Variants in CLSTN2 observed in about 807,000 individuals in gnomAD.
CLSTN2 encodes calsyntenin 2.
In CLSTN2, 48 loss-of-function variants were observed where a neutral mutation model predicts 101.2. The observed-to-expected ratio is 0.47, with a 90% CI of 0.38 to 0.60. CLSTN2 has a LOEUF of 0.60. CLSTN2 is among the 20% of genes least tolerant of loss of function. CLSTN2 has a pLI of 0.00. For missense variants in CLSTN2, 1,160 were observed against 1,238.2 expected (o/e 0.94, Z 0.95); for synonymous variants, 481 against 463.6 (o/e 1.04, Z -0.48).
chr3:140,367,071 C>T (rs2087799648), intron 2 of CLSTN2, among the ~76,000 whole-genome samples: 1 of 152,154 alleles, frequency 6.6e-6, no homozygotes, highest in Non-Finnish European at 1.5e-5. Context: ...AGCCCTCCCA[C>T]GCTATGCTGG....
At chr3:140,081,728 T>A (rs2008602652) in intron 1 of CLSTN2, among the ~76,000 whole-genome samples, 1 of 152,102 alleles carries the variant, frequency 6.6e-6, no homozygotes, top group Non-Finnish European at 1.5e-5. Context: ...GCAAAGCCTC[T>A]GTCCAGAGCA....
chr3:140,510,538 G>A (rs1193912976), intron 8 of CLSTN2, among the ~76,000 whole-genome samples: 3 of 152,152 alleles, frequency 2.0e-5, no homozygotes, highest in South Asian at 2.1e-4. Flanking sequence ...GGATTGTTTT[G>A]GGGATTTGCC....
At chr3:140,345,459 A>T (rs2107938969) in intron 2 of CLSTN2, among the ~76,000 whole-genome samples, 1 of 152,156 alleles carries the variant, frequency 6.6e-6, no homozygotes, top group South Asian at 2.1e-4. Context: ...TATGTTGACC[A>T]GGCTGGTCTC....
Position 140,356,023 on chromosome 3 carries a change from C to T in CLSTN2, c.233-47606C>T, listed in dbSNP as rs1178226048. ...ACAGCTCAGGCATCACCACTTCCTT[C>T]CAGAAATCTTCCAGGGTCCTTCATG... is the stretch of plus-strand genomic sequence containing the variant. On this transcript the variant is annotated intron_variant, in intron 2 of 16. Coordinates refer to ENST00000458420, the MANE Select transcript of CLSTN2 (RefSeq NM_022131.3). Among the ~76,000 whole-genome samples the T allele has an allele frequency of 2.0e-5, 3 of 152,234 alleles. No individual in the cohort carries two copies. In the East Asian group the frequency reaches 5.8e-4, roughly 29 times the overall value.
At chr3:140,405,076 G>T (rs1275855866) in intron 4 of CLSTN2, among the ~76,000 whole-genome samples, 20 of 152,138 alleles carry the variant, frequency 1.3e-4, no homozygotes, top group Admixed American at 1.3e-3. Flanking sequence ...TTTTCCAGTT[G>T]TCATCCAGAT....
intron 2 of CLSTN2, among the ~76,000 whole-genome samples, chr3:140,285,626 A>G (rs1030565810): frequency 1.3e-5 from 2 of 152,154 alleles, no homozygotes; most frequent in African/African-American, 4.8e-5. Flanking sequence ...CAGATTGCCA[A>G]TTGCCCTCCC....
chr3:140,289,449 G>C (rs1242177788), intron 2 of CLSTN2, among the ~76,000 whole-genome samples: 1 of 151,994 alleles, frequency 6.6e-6, no homozygotes, highest in Non-Finnish European at 1.5e-5. Context: ...TTGGTACCTA[G>C]TTAATCTCCC....
At chr3:140,497,884 CCGGGAGGGG>C (rs1346856005) in intron 8 of CLSTN2, among the ~76,000 whole-genome samples, 1 of 152,108 alleles carries the variant, frequency 6.6e-6, no homozygotes, top group Non-Finnish European at 1.5e-5. Context: ...GCCTGTTTTT[CCGGGAGGGG>C]TCATACAATC....
intron 2 of CLSTN2, among the ~76,000 whole-genome samples, chr3:140,300,520 C>T (rs1174481314): frequency 6.6e-6 from 1 of 152,134 alleles, no homozygotes; most frequent in Non-Finnish European, 1.5e-5. Context: ...AAATATATTA[C>T]TAGATAGTTG....
chr3:140,348,066 G>C (rs931669222), intron 2 of CLSTN2, among the ~76,000 whole-genome samples: 5 of 152,340 alleles, frequency 3.3e-5, no homozygotes. Context: ...CACAGGTACT[G>C]AGTGTTAGCT....
chr3:140,160,979 AC>A (rs2010037083), intron 1 of CLSTN2, among the ~76,000 whole-genome samples: 1 of 152,146 alleles, frequency 6.6e-6, no homozygotes, highest in African/African-American at 2.4e-5. Context: ...TCAGATAATA[AC>A]AAGCAGTCAA....
chr3:140,485,620 G>A (rs12633853), intron 8 of CLSTN2, among the ~76,000 whole-genome samples: 12,077 of 152,122 alleles, frequency 0.079, 634 homozygotes, highest in Non-Finnish European at 0.11. Flanking sequence ...CGAGCTTCCC[G>A]GCTGCTTTGT....
At chr3:140,173,525 C>T (rs2010271807) in intron 1 of CLSTN2, among the ~76,000 whole-genome samples, 1 of 152,226 alleles carries the variant, frequency 6.6e-6, no homozygotes, top group Non-Finnish European at 1.5e-5. Flanking sequence ...TAGGCGATTC[C>T]CCAGTAGGGA....
chr3:140,247,682 G>A lies in CLSTN2; in HGVS notation c.232+71609G>A, dbSNP rs111960080. ...GGGGTCACATTTGAGTGAGAAAGGC[G>A]GCCATCTAACAGAGTGTGAGGGCAG... On this transcript the variant is annotated intron_variant, in intron 2 of 16. Coordinates refer to ENST00000458420, the MANE Select transcript of CLSTN2 (RefSeq NM_022131.3). Among the ~76,000 whole-genome samples, 145 of 152,198 alleles carry A rather than the reference G, an allele frequency of 9.5e-4. No individual in the cohort carries two copies. In the Middle Eastern group the frequency reaches 0.01, roughly 11 times the overall value.
chr3:140,009,978 T>C (rs2007038338), intron 1 of CLSTN2, among the ~76,000 whole-genome samples: 1 of 152,214 alleles, frequency 6.6e-6, no homozygotes, highest in African/African-American at 2.4e-5. Flanking sequence ...AAATGTGACA[T>C]TCTGAGAATG....
intron 1 of CLSTN2, among the ~76,000 whole-genome samples, chr3:140,088,727 G>C (rs145484233): frequency 1.3e-5 from 2 of 152,270 alleles, no homozygotes; most frequent in Admixed American, 6.5e-5. Context: ...TCTGCACAAC[G>C]GATGTGGTGA....
intron 1 of CLSTN2, among the ~76,000 whole-genome samples, chr3:140,159,648 G>A (rs2010013517): frequency 6.6e-6 from 1 of 152,050 alleles, no homozygotes; most frequent in African/African-American, 2.4e-5. Context: ...ATTCGACCCA[G>A]CAATCACACT....
At chr3:140,565,428 G>T (rs771420020) in intron 16 of CLSTN2, among the ~76,000 whole-genome samples, 46 of 152,112 alleles carry the variant, frequency 3.0e-4, no homozygotes, top group Non-Finnish European at 5.1e-4. Flanking sequence ...ATGAAATTTT[G>T]CTGGAATTAT....
Position 140,546,593 on chromosome 3 carries a change from T to C in CLSTN2, c.1586T>C (p.Met529Thr). ...LASLTIRPGK[M>T]ESQKVISCLQ... ...AGTCTCACCATCCGCCCTGGCAAAA[T>C]GGAAAGCCAGAAGGTGATCTCCTGC... The change falls in exon 10 of 17, where the codon ATG (methionine) becomes ACG (threonine). Residue 529 changes from methionine to threonine, a missense_variant. Coordinates refer to ENST00000458420, the MANE Select transcript of CLSTN2 (RefSeq NM_022131.3). 6.2e-7 allele frequency: 1 copy of C among 1,614,004 alleles called. No individual in the cohort carries two copies. Among genetic ancestry groups the C allele is most frequent in the Non-Finnish European group, 8.5e-7 (1 of 1,179,980 alleles).
Sources: gnomAD v4.1 joint callset for allele counts (sites outside exome capture counted in the v4.1 genomes callset) on GRCh38, gnomAD v4.1.1 for gene constraint, MANE v1.5 for transcripts, NCBI Gene and HGNC (gene_info 2026-07-23, HGNC 2026-07-21) for gene names.